The following LRRC8D variants were observed in gnomAD, a reference collection of about 807,000 sequenced individuals.
The protein encoded by LRRC8D is volume-regulated anion channel subunit LRRC8D.
A neutral mutation model predicts 55.8 loss-of-function variants in LRRC8D; 20 were observed. That is an observed-to-expected ratio of 0.36 (90% confidence interval 0.25 to 0.52). The LOEUF (loss-of-function observed/expected upper bound fraction) is 0.52, where lower values mean the gene tolerates loss of function less well. LRRC8D is among the 20% of genes least tolerant of loss of function. The pLI is 0.93. For missense variants in LRRC8D, 651 were observed against 1,030.8 expected (o/e 0.63, Z 5.05); for synonymous variants, 352 against 377.0 (o/e 0.93, Z 0.77).
At chr1:89,916,648 C>CT (rs1557482667) in intron 2 of LRRC8D, among the ~76,000 whole-genome samples, 1 of 152,080 alleles carries the variant, frequency 6.6e-6, no homozygotes, top group African/African-American at 2.4e-5. Flanking sequence ...TAGTTTAACT[C>CT]TGTGTCTCCT....
intron 2 of LRRC8D, among the ~76,000 whole-genome samples, chr1:89,874,262 G>A (rs78388663): frequency 0.025 from 3,782 of 152,192 alleles, 169 homozygotes; most frequent in African/African-American, 0.087. Context: ...CCCTAAATTC[G>A]GAGGCAGAGG....
chr1:89,822,410 G>A (rs945495631), intron 1 of LRRC8D, among the ~76,000 whole-genome samples: 88 of 152,316 alleles, frequency 5.8e-4, no homozygotes, highest in African/African-American at 2.0e-3. Context: ...TTGGCTCCTC[G>A]TTGCCTCGCA....
intron 2 of LRRC8D, among the ~76,000 whole-genome samples, chr1:89,885,651 G>A (rs1662400535): frequency 1.3e-5 from 2 of 152,178 alleles, no homozygotes; most frequent in African/African-American, 4.8e-5. Flanking sequence ...ATATCTGTCT[G>A]GACCCATCAG....
At chr1:89,840,871 G>A (rs1038217416) in intron 1 of LRRC8D, among the ~76,000 whole-genome samples, 1 of 151,816 alleles carries the variant, frequency 6.6e-6, no homozygotes, top group African/African-American at 2.4e-5. Context: ...GTTTTCCTTG[G>A]GCTCTTAGAT....
At chr1:89,824,460 A>G (rs1338534497) in intron 1 of LRRC8D, among the ~76,000 whole-genome samples, 2 of 152,158 alleles carry the variant, frequency 1.3e-5, no homozygotes, top group Non-Finnish European at 2.9e-5. Flanking sequence ...TATCCAATTT[A>G]TTTATTTTAG....
chr1:89,826,618 C>T (rs1001757551), intron 1 of LRRC8D, among the ~76,000 whole-genome samples: 1 of 152,178 alleles, frequency 6.6e-6, no homozygotes, highest in African/African-American at 2.4e-5. Context: ...TAAGTTTACA[C>T]ATGTAGTGAC....
intron 2 of LRRC8D, among the ~76,000 whole-genome samples, chr1:89,914,797 G>A (rs78561276): frequency 0.046 from 7,000 of 150,542 alleles, 244 homozygotes; most frequent in East Asian, 0.17. Context: ...GGCTAGTCTC[G>A]AACTCCTGGG....
At chr1:89,889,580 TAAAAA>T (rs58885629) in intron 2 of LRRC8D, among the ~76,000 whole-genome samples, 2 of 142,706 alleles carry the variant, frequency 1.4e-5, no homozygotes, top group African/African-American at 5.2e-5. Context: ...AATGTTTGTT[TAAAAA>T]AAAAAAAAAA....
intron 1 of LRRC8D, among the ~76,000 whole-genome samples, chr1:89,837,837 A>G (rs1222517804): frequency 6.6e-6 from 1 of 152,230 alleles, no homozygotes; most frequent in Non-Finnish European, 1.5e-5. Flanking sequence ...AATTTAAAGT[A>G]TCTAATTTTG....
Position 89,934,214 on chromosome 1 carries a change from C to T in LRRC8D, c.1146C>T (p.Tyr382=), listed in dbSNP as rs753542095. 9 of 1,614,158 alleles carry T rather than the reference C, an allele frequency of 5.6e-6. No individual in the cohort carries two copies. The highest frequency in any genetic ancestry group is 7.6e-6 in the Non-Finnish European group (9 of 1,180,014). Residue 382 remains tyrosine, a synonymous_variant, in exon 3 of 3, where the codon TAC becomes TAT. Coordinates refer to ENST00000337338, the MANE Select transcript of LRRC8D (RefSeq NM_001134479.2). This position sits in a 1 kb window ranked among gnomAD's most constrained non-coding sequence, Gnocchi z 5.9. The part of the protein sequence containing the change: ...IICVYGFICL[Y]TLFWLFRIPL... ...GTGTTTATGGCTTTATCTGCCTCTA[C>T]ACTCTCTTCTGGTTATTCAGGATAC... is the stretch of plus-strand genomic sequence containing the variant.
At chr1:89,882,488 A>G (rs1662309115) in intron 2 of LRRC8D, among the ~76,000 whole-genome samples, 1 of 152,232 alleles carries the variant, frequency 6.6e-6, no homozygotes, top group African/African-American at 2.4e-5. Flanking sequence ...GTGAGTCCAC[A>G]GATGGTAAAT....
At chr1:89,829,511 A>G (rs531832131) in intron 1 of LRRC8D, among the ~76,000 whole-genome samples, 1 of 152,314 alleles carries the variant, frequency 6.6e-6, no homozygotes, top group African/African-American at 2.4e-5. Flanking sequence ...ATTTTATAAT[A>G]TATACCTATT....
At chr1:89,893,592 T>G (rs1004425660) in intron 2 of LRRC8D, among the ~76,000 whole-genome samples, 2 of 152,182 alleles carry the variant, frequency 1.3e-5, no homozygotes, top group African/African-American at 4.8e-5. Flanking sequence ...CAAGCATACA[T>G]TTTTTCCCTG....
Position 89,847,950 on chromosome 1 carries a change from A to G in LRRC8D, c.-3+4168A>G, listed in dbSNP as rs375373750. 1.6e-4 allele frequency among the ~76,000 whole-genome samples: 24 copies of G among 152,346 alleles called. No homozygotes were observed. The South Asian group carries it at 5.0e-3, about 32-fold the overall frequency. On this transcript the variant is annotated intron_variant, in intron 2 of 2. Coordinates refer to ENST00000337338, the MANE Select transcript of LRRC8D (RefSeq NM_001134479.2). ...GACCTCTTGCAGTACCCTGAAGTCT[A>G]CAGGTTGGGAATTGAGGCCAAAGCA...
At position 89,933,614 on chromosome 1, in the gene LRRC8D, T is replaced by C. The variant is rs1663767674; in HGVS notation, c.546T>C (p.Phe182=). 1.2e-6 allele frequency: 2 copies of C among 1,614,058 alleles called. No individual in the cohort carries two copies. The highest frequency in any genetic ancestry group is 2.7e-5 in the African/African-American group (2 of 74,942). Residue 182 remains phenylalanine, a synonymous_variant, in exon 3 of 3, where the codon TTT becomes TTC. Coordinates refer to ENST00000337338, the MANE Select transcript of LRRC8D (RefSeq NM_001134479.2). The surrounding 1 kb of genome is among the most constrained non-coding windows in gnomAD (Gnocchi z 7.0). ...HTIILMVSSN[F]WFKYPKTCSK... ...TTATTCTCATGGTCAGTAGCAACTT[T>C]TGGTTCAAATATCCCAAAACATGCT...
intron 2 of LRRC8D, among the ~76,000 whole-genome samples, chr1:89,900,771 C>T (rs953331006): frequency 6.6e-6 from 1 of 152,236 alleles, no homozygotes; most frequent in African/African-American, 2.4e-5. Context: ...AAAACCACAG[C>T]AGCATCTCAT....
intron 2 of LRRC8D, among the ~76,000 whole-genome samples, chr1:89,888,047 T>C (rs1662467785): frequency 6.6e-6 from 1 of 152,196 alleles, no homozygotes; most frequent in South Asian, 2.1e-4. Context: ...ACAGCACATA[T>C]ATTGAACATT....
At chr1:89,914,654 GT>G (rs1663214946) in intron 2 of LRRC8D, among the ~76,000 whole-genome samples, 1 of 149,958 alleles carries the variant, frequency 6.7e-6, no homozygotes, top group Non-Finnish European at 1.5e-5. Context: ...AACGTCCCTG[GT>G]TTTTGTTTAC....
At chr1:89,869,656 A>G (rs540306191) in intron 2 of LRRC8D, among the ~76,000 whole-genome samples, 2 of 152,166 alleles carry the variant, frequency 1.3e-5, no homozygotes, top group Non-Finnish European at 2.9e-5. Flanking sequence ...ACACATAATC[A>G]TCAGATTCAC....
Sources: allele counts gnomAD v4.1 joint callset (sites outside exome capture counted in the v4.1 genomes callset), GRCh38; gene constraint gnomAD v4.1.1; non-coding constraint Gnocchi (gnomAD v3.1); transcripts MANE v1.5; gene names NCBI Gene and HGNC (gene_info 2026-07-23, HGNC 2026-07-21).